Variants in SRGAP3 observed in about 807,000 individuals in gnomAD.
SRGAP3 encodes SLIT-ROBO Rho GTPase-activating protein 3.
In SRGAP3, 39 loss-of-function variants were observed where a neutral mutation model predicts 121.1. The ratio of observed to expected loss-of-function variants is 0.32; its 90% CI spans 0.25 to 0.42. SRGAP3 has a LOEUF of 0.42. Among genes scored for constraint, SRGAP3 ranks in the 10% least tolerant of loss-of-function variants. The probability of loss-of-function intolerance (pLI) is 1.00; values close to 1 mark genes in which losing one functional copy is unlikely to be tolerated. For synonymous variants in SRGAP3, 601 were observed against 570.0 expected, an observed-to-expected ratio of 1.05 and a Z score of -0.77; for missense variants, 1,213 against 1,470.6, an observed-to-expected ratio of 0.82 and a Z score of 2.86.
chr3:9,153,978 C>G (rs1950310944), intron 1 of SRGAP3, among the ~76,000 whole-genome samples: 1 of 151,634 alleles, frequency 6.6e-6, no homozygotes. Context: ...CCCCACCACT[C>G]CCACCCACGT....
At chr3:9,229,424 AAT>A (rs1953118773) in intron 1 of SRGAP3, among the ~76,000 whole-genome samples, 2 of 152,288 alleles carry the variant, frequency 1.3e-5, no homozygotes, top group African/African-American at 4.8e-5. Flanking sequence ...ACCCTGGAGC[AAT>A]AGAGCTGAGA....
intron 1 of SRGAP3, among the ~76,000 whole-genome samples, chr3:9,162,174 G>A (rs538766047): frequency 6.6e-6 from 1 of 152,200 alleles, no homozygotes; most frequent in East Asian, 1.9e-4. Context: ...ATGGGGAGTG[G>A]GTTTCAGTTG....
chr3:9,208,317 G>C (rs554493069), intron 1 of SRGAP3, among the ~76,000 whole-genome samples: 1 of 152,210 alleles, frequency 6.6e-6, no homozygotes, highest in African/African-American at 2.4e-5. Flanking sequence ...TATGAATCTA[G>C]AAACCACTTT....
At chr3:9,049,620 C>A (rs185824892) in intron 9 of SRGAP3, among the ~76,000 whole-genome samples, 21 of 152,284 alleles carry the variant, frequency 1.4e-4, no homozygotes, top group African/African-American at 4.8e-4. Context: ...GGGCCAGGGG[C>A]TTGTAACCAG....
At chr3:9,103,537 T>A (rs975541810) in intron 3 of SRGAP3, among the ~76,000 whole-genome samples, 1 of 152,078 alleles carries the variant, frequency 6.6e-6, no homozygotes, top group Non-Finnish European at 1.5e-5. Context: ...AGCTAATAAA[T>A]CATGGAACCA....
At chr3:9,015,044 C>A (rs986220319) in intron 15 of SRGAP3, among the ~76,000 whole-genome samples, 1 of 152,176 alleles carries the variant, frequency 6.6e-6, no homozygotes, top group African/African-American at 2.4e-5. Flanking sequence ...AACTAACTAG[C>A]AATGTCAGAG....
chr3:9,082,663 A>G (rs1317116838), intron 3 of SRGAP3, among the ~76,000 whole-genome samples: 2 of 152,220 alleles, frequency 1.3e-5, no homozygotes, highest in Non-Finnish European at 2.9e-5. Flanking sequence ...GAGCAGCTGC[A>G]GCCTCCTGCT....
chr3:9,252,974 T>C (rs1009546519), upstream of SRGAP3, among the ~76,000 whole-genome samples: 1 of 152,220 alleles, frequency 6.6e-6, no homozygotes, highest in Non-Finnish European at 1.5e-5. Context: ...CTGAATTCTT[T>C]TAGATTTTCC....
intron 1 of SRGAP3, among the ~76,000 whole-genome samples, chr3:9,172,094 T>TC (rs1491209933): frequency 1.7e-4 from 14 of 83,274 alleles, no homozygotes; most frequent in African/African-American, 4.7e-4. Context: ...TTTTCTTTTC[T>TC]TTTTTTTTTT....
chr3:9,289,419 A>G (rs1364394829), intron 3 of SRGAP3, among the ~76,000 whole-genome samples: 1 of 152,208 alleles, frequency 6.6e-6, no homozygotes, highest in Non-Finnish European at 1.5e-5. Flanking sequence ...ATCAAAATGA[A>G]TTCCTTGAGA....
rs184098488 is a variant in SRGAP3, at chr3:9,009,759, C to A, written c.2227+549G>T. 1.2e-3 allele frequency among the ~76,000 whole-genome samples: 182 copies of A among 152,258 alleles called. 1 individual carries two copies. Among genetic ancestry groups the A allele is most frequent in the Non-Finnish European group, 1.4e-3 (95 of 68,016 alleles). On this transcript the variant is annotated intron_variant, in intron 18 of 21. Transcript: ENST00000383836. ...TCTCTCTCTCTCTCACCACACATTT[C>A]CCAGGATCATCACCCTTTGATTTCA...
chr3:9,125,065 C>G, intron 1 of SRGAP3, 148 bp from the exon 2 acceptor site: 5 of 882,114 alleles, frequency 5.7e-6, no homozygotes, highest in Non-Finnish European at 8.9e-6. Flanking sequence ...GAGCTCAGAC[C>G]TTGCTTGGCA....
chr3:9,058,482 AG>A lies in SRGAP3; in HGVS notation c.802-11del. The A allele has an allele frequency of 1.2e-6, 2 of 1,613,294 alleles. No individual in the cohort carries two copies. The highest frequency in any genetic ancestry group is 1.7e-6 in the Non-Finnish European group (2 of 1,179,926). ...AGCCCAAATCACAGCACTTGGGGAG[AG>A]GCAACAACGGAAGGTTATGGGTGAC... is the stretch of plus-strand genomic sequence containing the variant. On this transcript the variant is annotated splice_polypyrimidine_tract_variant and intron_variant, in intron 6 of 21. Coordinates refer to ENST00000383836, the MANE Select transcript of SRGAP3 (RefSeq NM_014850.4).
Position 8,985,578 on chromosome 3 carries a change from C to G in SRGAP3, c.3241G>C (p.Val1081Leu), listed in dbSNP as rs3732978. The G allele has an allele frequency of 1.9e-6, 3 of 1,573,834 alleles. No individual in the cohort carries two copies. Among genetic ancestry groups the G allele is most frequent in the Non-Finnish European group, 2.6e-6 (3 of 1,166,404 alleles). Residue 1081 changes from valine to leucine, a missense_variant, in exon 22 of 22, where the codon GTG (valine) becomes CTG (leucine). Coordinates refer to ENST00000383836, the MANE Select transcript of SRGAP3 (RefSeq NM_014850.4). This position sits in a 1 kb window ranked among gnomAD's most constrained non-coding sequence, Gnocchi z 5.1. ...GGGAACATCTTCTCGGTGGGCGTCA[C>G]GGCCGGGCTGCCCACGCCCGAGCTG... ...SSSSGVGSPA[V>L]TPTEKMFPNS...
intron 3 of SRGAP3, among the ~76,000 whole-genome samples, chr3:9,280,865 C>T (rs1013627750): frequency 3.3e-5 from 5 of 152,136 alleles, no homozygotes; most frequent in South Asian, 2.1e-4. Context: ...ACTATGGCAA[C>T]GCAAGCCACT....
In SRGAP3 at chr3:9,010,419, C is replaced by CA. The variant is rs538711619; in HGVS notation, c.2148-33_2148-32insT. On this transcript the variant is annotated intron_variant, in intron 17 of 21. Transcript: ENST00000383836. ...GGAAACACGGGAATGGGACTCACTG[C>CA]GGGGGGTTATCTACCCTCACAGCAC... The CA allele has an allele frequency of 1.7e-4, 268 of 1,613,242 alleles. 1 individual carries two copies. The African/African-American group carries it at 3.2e-3, about 20-fold the overall frequency.
chr3:9,141,881 C>T (rs1949866999), intron 1 of SRGAP3, among the ~76,000 whole-genome samples: 1 of 152,194 alleles, frequency 6.6e-6, no homozygotes, highest in South Asian at 2.1e-4. Context: ...AAAAGGGCTC[C>T]AGCCAAGTAC....
intron 17 of SRGAP3, among the ~76,000 whole-genome samples, 165 bp from the exon 18 acceptor site, chr3:9,010,552 A>C (rs1209664013): frequency 6.6e-6 from 1 of 152,004 alleles, no homozygotes; most frequent in African/African-American, 2.4e-5. Flanking sequence ...GACCTTCCTA[A>C]TCAGAAAACT....
chr3:9,264,889 A>T (rs566492262), intron 3 of SRGAP3, among the ~76,000 whole-genome samples: 1 of 152,356 alleles, frequency 6.6e-6, no homozygotes, highest in African/African-American at 2.4e-5. Flanking sequence ...TTTCATATGA[A>T]ACCAAAAAAA....
Sources: gnomAD v4.1 joint callset for allele counts (sites outside exome capture counted in the v4.1 genomes callset) on GRCh38, gnomAD v4.1.1 for gene constraint, Gnocchi (gnomAD v3.1) non-coding constraint, MANE v1.5 for transcripts, NCBI Gene and HGNC (gene_info 2026-07-23, HGNC 2026-07-21) for gene names.